Variants in SPAG16 observed in about 807,000 individuals in gnomAD.
The protein encoded by SPAG16 is sperm associated antigen 16, also known as sperm-associated antigen 16 protein.
SPAG16 carries 86 observed loss-of-function variants against 80.4 expected under a neutral mutation model. The ratio of observed to expected loss-of-function variants is 1.07; its 90% CI spans 0.90 to 1.28. SPAG16 has a LOEUF of 1.28. Ranked by LOEUF, SPAG16 falls within the 50% of genes most tolerant of loss-of-function variation. The probability of loss-of-function intolerance (pLI) is 0.00; values close to 1 mark genes in which losing one functional copy is unlikely to be tolerated. For synonymous variants in SPAG16, 294 were observed against 265.9 expected (o/e 1.11, Z -1.03); for missense variants, 870 against 765.3 (o/e 1.14, Z -1.61).
intron 9 of SPAG16, among the ~76,000 whole-genome samples, chr2:213,489,639 A>T (rs972540362): frequency 6.6e-6 from 1 of 152,138 alleles, no homozygotes; most frequent in Admixed American, 6.5e-5. Context: ...TGGAAAGCTT[A>T]TTTAAAAAAA....
intron 15 of SPAG16, among the ~76,000 whole-genome samples, chr2:214,375,367 G>A (rs986868351): frequency 5.3e-5 from 8 of 152,128 alleles, no homozygotes; most frequent in Non-Finnish European, 1.0e-4. Context: ...ACCAGTTTAC[G>A]AAGTAGGGCA....
chr2:213,701,332 A>G (rs1026263386), intron 10 of SPAG16, among the ~76,000 whole-genome samples: 4 of 152,366 alleles, frequency 2.6e-5, no homozygotes. Flanking sequence ...AAATCATTTG[A>G]GTTCAAAAGA....
intron 10 of SPAG16, among the ~76,000 whole-genome samples, chr2:213,719,641 C>T (rs911716169): frequency 6.6e-6 from 1 of 152,188 alleles, no homozygotes; most frequent in Admixed American, 6.5e-5. Context: ...GACACAATAC[C>T]ATCTCATGCT....
chr2:213,399,726 T>C (rs1017754216), intron 9 of SPAG16, among the ~76,000 whole-genome samples: 1 of 152,038 alleles, frequency 6.6e-6, no homozygotes, highest in African/African-American at 2.4e-5. Context: ...CTGGAAGACC[T>C]ATTCCTTAAA....
intron 15 of SPAG16, among the ~76,000 whole-genome samples, chr2:214,168,402 A>C (rs777660997): frequency 2.6e-5 from 4 of 152,122 alleles, no homozygotes; most frequent in Non-Finnish European, 5.9e-5. Flanking sequence ...AAACATGGTG[A>C]ATAAGGCATA....
At chr2:213,850,651 C>G (rs982765205) in intron 10 of SPAG16, among the ~76,000 whole-genome samples, 1 of 151,446 alleles carries the variant, frequency 6.6e-6, no homozygotes, top group Non-Finnish European at 1.5e-5. Flanking sequence ...CAGATGGGTT[C>G]TAGTTTCTAA....
intron 15 of SPAG16, among the ~76,000 whole-genome samples, chr2:214,329,366 A>G (rs950105289): frequency 6.6e-6 from 1 of 152,244 alleles, no homozygotes; most frequent in Non-Finnish European, 1.5e-5. Context: ...TATTTTTGGC[A>G]AATCAGTTTA....
chr2:214,020,622 T>C (rs925210433), intron 13 of SPAG16, among the ~76,000 whole-genome samples: 1 of 152,142 alleles, frequency 6.6e-6, no homozygotes, highest in African/African-American at 2.4e-5. Flanking sequence ...CTGCAAATGA[T>C]CCCTTGACAA....
chr2:213,718,240 A>G (rs1353268458), intron 10 of SPAG16, among the ~76,000 whole-genome samples: 1 of 152,190 alleles, frequency 6.6e-6, no homozygotes, highest in Non-Finnish European at 1.5e-5. Context: ...TGTGGCCAAT[A>G]AACAAATGAA....
intron 13 of SPAG16, among the ~76,000 whole-genome samples, chr2:214,069,299 G>A (rs1236105321): frequency 6.6e-6 from 1 of 152,072 alleles, no homozygotes; most frequent in East Asian, 1.9e-4. Context: ...TTTTGTTATT[G>A]GCAGTCTGTG....
chr2:213,296,733 A>G (rs1323796703), intron 2 of SPAG16, among the ~76,000 whole-genome samples: 1 of 152,212 alleles, frequency 6.6e-6, no homozygotes, highest in Non-Finnish European at 1.5e-5. Context: ...TGTGTACCAC[A>G]TGAAGTTCCT....
chr2:213,879,217 C>A (rs1834771), intron 11 of SPAG16, among the ~76,000 whole-genome samples: 1 of 151,436 alleles, frequency 6.6e-6, no homozygotes, highest in Non-Finnish European at 1.5e-5. Context: ...AGAGATTGCA[C>A]TTAAACTGTA....
chr2:213,920,620 G>A (rs1204660171), intron 11 of SPAG16, among the ~76,000 whole-genome samples: 2 of 152,194 alleles, frequency 1.3e-5, no homozygotes, highest in African/African-American at 2.4e-5. Flanking sequence ...GGCTCCCAGA[G>A]CACCTGCTTG....
intron 1 of SPAG16, among the ~76,000 whole-genome samples, chr2:213,292,714 T>C (rs146847631): frequency 6.7e-6 from 1 of 148,834 alleles, no homozygotes; most frequent in Non-Finnish European, 1.5e-5. Context: ...CAGAAAGATA[T>C]AAATCTATAA....
At chr2:214,222,503 CA>C (rs1246294142) in intron 15 of SPAG16, among the ~76,000 whole-genome samples, 1 of 152,196 alleles carries the variant, frequency 6.6e-6, no homozygotes, top group East Asian at 1.9e-4. Context: ...TTAATCTTTT[CA>C]GCCAAATTAT....
chr2:214,022,096 T>C (rs1217877413), intron 13 of SPAG16, among the ~76,000 whole-genome samples: 1 of 152,122 alleles, frequency 6.6e-6, no homozygotes, highest in African/African-American at 2.4e-5. Context: ...TAATTATTTC[T>C]TTGTAAAGTG....
intron 10 of SPAG16, among the ~76,000 whole-genome samples, chr2:213,705,314 G>C (rs915408967): frequency 1.3e-5 from 2 of 151,756 alleles, no homozygotes; most frequent in Admixed American, 6.6e-5. Flanking sequence ...AAGGAAGGAA[G>C]GAATCAAGTA....
intron 15 of SPAG16, among the ~76,000 whole-genome samples, chr2:214,275,678 T>A (rs1301443505): frequency 6.6e-6 from 1 of 152,218 alleles, no homozygotes; most frequent in South Asian, 2.1e-4. Flanking sequence ...TGATTTCTGT[T>A]CTTTTACATT....
chr2:214,278,725 A>AT (rs1692666761), intron 15 of SPAG16, among the ~76,000 whole-genome samples: 1 of 152,160 alleles, frequency 6.6e-6, no homozygotes, highest in African/African-American at 2.4e-5. Flanking sequence ...CTCCCATTTG[A>AT]TTTTGGATTA....
Sources: gnomAD v4.1 joint callset for allele counts (sites outside exome capture counted in the v4.1 genomes callset) on GRCh38, gnomAD v4.1.1 for gene constraint, MANE v1.5 for transcripts, NCBI Gene and HGNC (gene_info 2026-07-23, HGNC 2026-07-21) for gene names.